Variants in ATP1B3 observed in about 807,000 individuals in gnomAD.
ATP1B3 encodes the protein sodium/potassium-transporting ATPase subunit beta-3.
Under a neutral mutation model 30.2 loss-of-function variants are expected in ATP1B3, and 10 were observed. The ratio of observed to expected loss-of-function variants is 0.33; its 90% CI spans 0.20 to 0.56. The LOEUF (loss-of-function observed/expected upper bound fraction) is 0.56. ATP1B3 is among the 20% of genes least tolerant of loss of function. ATP1B3 has a pLI of 0.90. For missense variants in ATP1B3, 238 were observed against 336.7 expected, an observed-to-expected ratio of 0.71 and a Z score of 2.29; for synonymous variants, 113 against 117.0, an observed-to-expected ratio of 0.97 and a Z score of 0.22.
At chr3:141,890,928 T>C (rs565774777) in intron 1 of ATP1B3, among the ~76,000 whole-genome samples, 1 of 152,354 alleles carries the variant, frequency 6.6e-6, no homozygotes, top group South Asian at 2.1e-4. Flanking sequence ...ATATTAAGCC[T>C]TTGTTATACT....
At chr3:141,894,168 C>T (rs530835616) in intron 1 of ATP1B3, among the ~76,000 whole-genome samples, 1 of 152,278 alleles carries the variant, frequency 6.6e-6, no homozygotes, top group African/African-American at 2.4e-5. Flanking sequence ...GCTTGCAGGA[C>T]TACAGTTGCA....
Position 141,876,782 on chromosome 3 carries a change from T to TC in ATP1B3, c.-19dup. 1 of 1,582,132 alleles carries TC rather than the reference T, an allele frequency of 6.3e-7. No homozygotes were observed. Among genetic ancestry groups the TC allele is most frequent in the Non-Finnish European group, 8.6e-7 (1 of 1,161,820 alleles). Reference sequence around the variant, plus strand: ...TCCATCCCCGCGGCCGCAGCTCCTCTCGCCGTCCGCGCGCACACCATGACG... The same window carrying TC: ...TCCATCCCCGCGGCCGCAGCTCCTCTCCGCCGTCCGCGCGCACACCATGACG... On this transcript the variant is annotated 5_prime_UTR_variant, in exon 1 of 7. Coordinates refer to ENST00000286371, the MANE Select transcript of ATP1B3 (RefSeq NM_001679.4).
At chr3:141,902,528 A>G (rs1576395133) in intron 1 of ATP1B3, among the ~76,000 whole-genome samples, 2 of 152,360 alleles carry the variant, frequency 1.3e-5, no homozygotes, top group East Asian at 1.9e-4. Flanking sequence ...GTATTCTAAT[A>G]TACTTGTTGG....
At chr3:141,900,433 C>G (rs72986350) in intron 1 of ATP1B3, among the ~76,000 whole-genome samples, 11 of 152,152 alleles carry the variant, frequency 7.2e-5, no homozygotes, top group Non-Finnish European at 1.5e-5. Flanking sequence ...CAGAAACTGC[C>G]TTGCCTCCCA....
At chr3:141,908,942 C>A (rs1934308960) in intron 3 of ATP1B3, among the ~76,000 whole-genome samples, 1 of 152,212 alleles carries the variant, frequency 6.6e-6, no homozygotes, top group South Asian at 2.1e-4. Context: ...CTTCCTTTCA[C>A]CTGAGGCCAC....
At chr3:141,913,304 T>C (rs1934397581) in intron 3 of ATP1B3, among the ~76,000 whole-genome samples, 1 of 151,856 alleles carries the variant, frequency 6.6e-6, no homozygotes, top group African/African-American at 2.4e-5. Flanking sequence ...AACCGTAAGC[T>C]CCATGAGGGC....
intron 5 of ATP1B3, 22 bp downstream of exon 5, chr3:141,916,042 C>A (rs1934456301): frequency 1.3e-6 from 2 of 1,577,046 alleles, no homozygotes; most frequent in Non-Finnish European, 1.7e-6. Flanking sequence ...AAAAGTAACT[C>A]CTGTTAAATC....
At chr3:141,886,335 C>T (rs371447533) in intron 1 of ATP1B3, among the ~76,000 whole-genome samples, 1 of 152,174 alleles carries the variant, frequency 6.6e-6, no homozygotes, top group Non-Finnish European at 1.5e-5. Context: ...CGAATTCTTC[C>T]TTATTTCACA....
chr3:141,904,134 A>C (rs970933019), intron 2 of ATP1B3, among the ~76,000 whole-genome samples: 2 of 152,198 alleles, frequency 1.3e-5, no homozygotes, highest in South Asian at 4.1e-4. Context: ...TTCACCATAA[A>C]TCTGTTTTAT....
At chr3:141,895,543 C>A (rs945354892) in intron 1 of ATP1B3, among the ~76,000 whole-genome samples, 10 of 152,034 alleles carry the variant, frequency 6.6e-5, no homozygotes, top group African/African-American at 1.9e-4. Context: ...CCATGTGTAT[C>A]CACAGTTCTT....
chr3:141,916,137 G>A lies in ATP1B3; in HGVS notation c.582+117G>A, dbSNP rs985491928. 6 of 816,862 alleles carry A rather than the reference G, an allele frequency of 7.3e-6. No individual in the cohort carries two copies. In the Admixed American group the frequency reaches 7.7e-5, roughly 10 times the overall value. The allele number at this position is 816,862 out of a possible 1,614,324, so 50.6% of individuals were successfully genotyped here. ...CTGTCACATTTTAAAGTCCTTTGTA[G>A]TGCCTTAGAATAAAATTCCACCAAC... is the stretch of plus-strand genomic sequence containing the variant. On this transcript the variant is annotated intron_variant, in intron 5 of 6. Transcript: ENST00000286371.
chr3:141,900,083 G>C (rs1242621156), intron 1 of ATP1B3, among the ~76,000 whole-genome samples: 2 of 151,940 alleles, frequency 1.3e-5, no homozygotes, highest in East Asian at 3.9e-4. Context: ...CTGGCACAGA[G>C]CTTCTAAAGA....
chr3:141,892,856 C>T (rs1933983420), intron 1 of ATP1B3, among the ~76,000 whole-genome samples: 1 of 151,968 alleles, frequency 6.6e-6, no homozygotes, highest in African/African-American at 2.4e-5. Context: ...GATTATACAA[C>T]GGTCAAAACT....
At chr3:141,903,233 AG>A (rs1453534168) in intron 1 of ATP1B3, among the ~76,000 whole-genome samples, 1 of 152,338 alleles carries the variant, frequency 6.6e-6, no homozygotes, top group East Asian at 1.9e-4. Flanking sequence ...CGCCACTTAA[AG>A]GATCATGTAA....
chr3:141,892,207 ATCT>A (rs1245774740), intron 1 of ATP1B3, among the ~76,000 whole-genome samples: 4 of 152,172 alleles, frequency 2.6e-5, no homozygotes, highest in Middle Eastern at 6.8e-3. Context: ...ATTATGCTGT[ATCT>A]TCTTTATGTG....
intron 1 of ATP1B3, among the ~76,000 whole-genome samples, chr3:141,900,915 T>C (rs1296387498): frequency 1.3e-5 from 2 of 152,182 alleles, no homozygotes; most frequent in African/African-American, 4.8e-5. Flanking sequence ...CTCAAGTAGC[T>C]GGAATTACAG....
chr3:141,891,961 G>A (rs1933962671), intron 1 of ATP1B3, among the ~76,000 whole-genome samples: 1 of 151,108 alleles, frequency 6.6e-6, no homozygotes, highest in African/African-American at 2.4e-5. Context: ...TGGTCAGTTT[G>A]GGGACAGTGC....
chr3:141,879,779 A>AAAAAAAAAACC (rs1553743177), intron 1 of ATP1B3, among the ~76,000 whole-genome samples: 1 of 126,052 alleles, frequency 7.9e-6, no homozygotes, highest in Non-Finnish European at 1.6e-5. Context: ...TCTCCATCTC[A>AAAAAAAAAACC]AAAAAAAAAA....
intron 1 of ATP1B3, among the ~76,000 whole-genome samples, chr3:141,881,038 A>G (rs903193099): frequency 4.6e-5 from 7 of 150,750 alleles, no homozygotes; most frequent in African/African-American, 1.7e-4. Flanking sequence ...ATCCGTCTTT[A>G]CTTAAAGTAC....
Sources: gnomAD v4.1 joint callset for allele counts (sites outside exome capture counted in the v4.1 genomes callset) on GRCh38, gnomAD v4.1.1 for gene constraint, MANE v1.5 for transcripts, NCBI Gene and HGNC (gene_info 2026-07-23, HGNC 2026-07-21) for gene names.